Variants in ZC3H7B observed in about 807,000 individuals in gnomAD.
ZC3H7B encodes zinc finger CCCH domain-containing protein 7B.
Under a neutral mutation model 116.0 loss-of-function variants are expected in ZC3H7B, and 35 were observed. The observed-to-expected ratio is 0.30, with a 90% CI of 0.23 to 0.40. ZC3H7B has a LOEUF of 0.40. Ranked by LOEUF, ZC3H7B falls within the 10% of genes least tolerant of loss-of-function variation. The pLI, the probability that ZC3H7B is intolerant of heterozygous loss-of-function variation, is 1.00. For synonymous variants in ZC3H7B, 502 were observed against 545.6 expected (o/e 0.92, Z 1.11); for missense variants, 1,011 against 1,321.5 (o/e 0.77, Z 3.64).
At position 41,356,368 on chromosome 22, in the gene ZC3H7B, CAT is replaced by C; in HGVS notation, c.2410_2411del (p.Met804ValfsTer72). On this transcript the variant is annotated frameshift_variant, in exon 21 of 23. Transcript: ENST00000352645. LOFTEE classifies it high-confidence loss of function. The stretch of plus-strand genomic sequence containing the variant: ...TCCTGGACATGCAGCAGACCTATGA[CAT>C]GTGGCTGAAAAAACACAACCCAGGA... Reference protein sequence around the residue: ...KILDMQQTYDMWLKKHNPGKP... With the variant: ...KILDMQQTYDXWLKKHNPGKP... 1 of 1,614,150 alleles carries C rather than the reference CAT, an allele frequency of 6.2e-7. No homozygotes were observed. Among genetic ancestry groups the C allele is most frequent in the Non-Finnish European group, 8.5e-7 (1 of 1,180,036 alleles).
intron 9 of ZC3H7B, 78 bp from the exon 10 acceptor site, chr22:41,339,738 C>A: frequency 7.1e-7 from 1 of 1,408,520 alleles, no homozygotes; most frequent in Non-Finnish European, 9.6e-7. Flanking sequence ...GGTCTCCTTG[C>A]TTCCCCAAGT....
In ZC3H7B at chr22:41,302,737, ATCATATAAAAACAGC is replaced by A; in HGVS notation, c.-7+969_-7+983del. The stretch of plus-strand genomic sequence containing the variant: ...AGCCGTCTTCCCAGGGGGGAAAATA[ATCATATAAAAACAGC>A]TCACTCTGATAGAACCTGATGGCTG... On this transcript the variant is annotated intron_variant, in intron 1 of 22. Coordinates refer to ENST00000352645, the MANE Select transcript of ZC3H7B (RefSeq NM_017590.6). The surrounding 1 kb of genome is among the most constrained non-coding windows in gnomAD (Gnocchi z 5.7). Among the ~76,000 whole-genome samples, 1 of 152,208 alleles carries A rather than the reference ATCATATAAAAACAGC, an allele frequency of 6.6e-6. No individual in the cohort carries two copies. Among genetic ancestry groups the A allele is most frequent in the Non-Finnish European group, 1.5e-5 (1 of 68,024 alleles).
chr22:41,332,066 A>C, intron 6 of ZC3H7B, 105 bp from the exon 7 acceptor site: 1 of 1,240,660 alleles, frequency 8.1e-7, no homozygotes, highest in Non-Finnish European at 1.2e-6. Flanking sequence ...GGCGCTGCAG[A>C]CCCCAGCTGC....
intron 7 of ZC3H7B, among the ~76,000 whole-genome samples, chr22:41,337,363 C>T (rs117636235): frequency 2.6e-4 from 40 of 152,010 alleles, no homozygotes; most frequent in Non-Finnish European, 5.3e-4. Flanking sequence ...CAAAGCACTT[C>T]CTGTGTGCCA....
intron 7 of ZC3H7B, among the ~76,000 whole-genome samples, chr22:41,337,326 T>A (rs1227099019): frequency 6.7e-6 from 1 of 149,244 alleles, no homozygotes; most frequent in Non-Finnish European, 1.5e-5. Flanking sequence ...AGACTCTGTC[T>A]CAAAAAAAAA....
rs117047903 is a variant in ZC3H7B, at chr22:41,346,433, A to T, written c.1665+225A>T. Among the ~76,000 whole-genome samples, 2,096 of 152,304 alleles carry T rather than the reference A, an allele frequency of 0.014. 21 individuals are homozygous for T. Among genetic ancestry groups the T allele is most frequent in the Non-Finnish European group, 0.019 (1,323 of 68,014 alleles). ...GCCCCCTCATTTTGCAGAGGCAGAA[A>T]CTGAGGCTGGAAAGAAAAATCATAA... On this transcript the variant is annotated intron_variant, in intron 14 of 22. Coordinates refer to ENST00000352645, the MANE Select transcript of ZC3H7B (RefSeq NM_017590.6). This position sits in a 1 kb window ranked among gnomAD's most constrained non-coding sequence, Gnocchi z 5.3.
chr22:41,332,573 G>A (rs1451652941), intron 7 of ZC3H7B: 2 of 261,138 alleles, frequency 7.7e-6, no homozygotes, highest in South Asian at 7.2e-5. Flanking sequence ...AGGCCCCTGG[G>A]CCTCAAATGT....
intron 1 of ZC3H7B, among the ~76,000 whole-genome samples, chr22:41,311,300 T>C (rs1346874737): frequency 1.3e-5 from 2 of 151,676 alleles, no homozygotes; most frequent in Non-Finnish European, 2.9e-5. Flanking sequence ...TGGGGAAATA[T>C]TTATGAGGTA....
At position 41,357,639 on chromosome 22, in the gene ZC3H7B, G is replaced by A; in HGVS notation, c.*210G>A. The A allele has an allele frequency of 1.4e-6, 1 of 708,096 alleles. No individual in the cohort carries two copies. Among genetic ancestry groups the A allele is most frequent in the South Asian group, 2.0e-5 (1 of 50,784 alleles). 43.9% of individuals were successfully genotyped at this position (708,096 alleles called of 1,614,324 possible). A position where few individuals can be genotyped will look rare whatever the true frequency, so the allele number is the denominator to read the frequency against. ...TGCTGCAGCCCCCGGAGGCCCCGCTGAAACCTGGGCTGCCCTTCCCCCACC... is the reference window on the plus strand; with the variant it reads ...TGCTGCAGCCCCCGGAGGCCCCGCTAAAACCTGGGCTGCCCTTCCCCCACC... On this transcript the variant is annotated 3_prime_UTR_variant, in exon 23 of 23. Coordinates refer to ENST00000352645, the MANE Select transcript of ZC3H7B (RefSeq NM_017590.6). The surrounding 1 kb of genome is among the most constrained non-coding windows in gnomAD (Gnocchi z 5.4).
chr22:41,321,505 G>A (rs896729396), intron 2 of ZC3H7B, among the ~76,000 whole-genome samples: 10 of 151,708 alleles, frequency 6.6e-5, no homozygotes, highest in African/African-American at 1.9e-4. Flanking sequence ...GTGAGCCACC[G>A]CACTAGGCCA....
chr22:41,354,336 G>A (rs1569244320), intron 17 of ZC3H7B, among the ~76,000 whole-genome samples: 1 of 152,176 alleles, frequency 6.6e-6, no homozygotes, highest in Non-Finnish European at 1.5e-5. Context: ...CACGCGTAAA[G>A]GCATGACCTC....
chr22:41,338,666 G>A lies in ZC3H7B; in HGVS notation c.625+311G>A, dbSNP rs955368165. On this transcript the variant is annotated intron_variant, in intron 8 of 22. Transcript: ENST00000352645. The surrounding 1 kb of genome is among the most constrained non-coding windows in gnomAD (Gnocchi z 4.5). ...GCCCTTTCCCCTCCTCTTCCTCATT[G>A]GCTTCCAGAAAAGGTTGCCTTTTAA... Among the ~76,000 whole-genome samples, 13 of 152,148 alleles carry A rather than the reference G, an allele frequency of 8.5e-5. No homozygotes were observed. Among genetic ancestry groups the A allele is most frequent in the African/African-American group, 2.9e-4 (12 of 41,410 alleles).
intron 15 of ZC3H7B, among the ~76,000 whole-genome samples, chr22:41,348,919 G>A (rs149770304): frequency 6.6e-6 from 1 of 152,184 alleles, no homozygotes; most frequent in Non-Finnish European, 1.5e-5. Context: ...CAGGAGTAAA[G>A]CAGCGCTGGG....
chr22:41,310,126 A>G (rs1285317911), intron 1 of ZC3H7B, among the ~76,000 whole-genome samples: 1 of 151,998 alleles, frequency 6.6e-6, no homozygotes, highest in Non-Finnish European at 1.5e-5. Flanking sequence ...AATGGTGTGA[A>G]CCCGGGAGGC....
rs377499989 is a variant in ZC3H7B at position 41,355,428 on chromosome 22, T to C, written c.2035-41T>C. ...GGAGACTCCAGGGCCTCAGGCCTGG[T>C]GCCTGCAGCTTCACCAACCCCCCTC... On this transcript the variant is annotated intron_variant, in intron 17 of 22. Transcript: ENST00000352645. 1.5e-4 allele frequency: 236 copies of C among 1,610,178 alleles called. No individual in the cohort carries two copies. The African/African-American group carries it at 2.9e-3, about 20-fold the overall frequency.
At chr22:41,355,414 G>T in intron 17 of ZC3H7B, 55 bp from the exon 18 acceptor site, 1 of 1,603,518 alleles carries the variant, frequency 6.2e-7, no homozygotes, top group Middle Eastern at 1.7e-4. Flanking sequence ...GAGACTCCAG[G>T]GCCTCAGGCC....
At chr22:41,319,522 A>G (rs1398501250) in intron 1 of ZC3H7B, among the ~76,000 whole-genome samples, 1 of 150,312 alleles carries the variant, frequency 6.7e-6, no homozygotes, top group Non-Finnish European at 1.5e-5. Context: ...GTGGGCTGAG[A>G]TCACACCACT....
At position 41,346,966 on chromosome 22, in the gene ZC3H7B, CA is replaced by C. The variant is rs35397354; in HGVS notation, c.1665+777del. On this transcript the variant is annotated intron_variant, in intron 14 of 22. Coordinates refer to ENST00000352645, the MANE Select transcript of ZC3H7B (RefSeq NM_017590.6). This position sits in a 1 kb window ranked among gnomAD's most constrained non-coding sequence, Gnocchi z 5.3. The stretch of plus-strand genomic sequence containing the variant: ...TGGGTGACAGAGTGAGACCCTATTC[CA>C]AAAAAAAAAAAAAAAAAATGTCATT... Among the ~76,000 whole-genome samples, 22,930 of 116,658 alleles carry C rather than the reference CA, an allele frequency of 0.2. 2,021 individuals carry two copies. Among genetic ancestry groups the C allele is most frequent in the Middle Eastern group, 0.3 (73 of 242 alleles). 76.5% of individuals were successfully genotyped at this position (116,658 alleles called of 152,430 possible).
intron 14 of ZC3H7B, among the ~76,000 whole-genome samples, chr22:41,347,149 CT>C (rs2036596463): frequency 1.3e-5 from 2 of 152,182 alleles, no homozygotes; most frequent in African/African-American, 4.8e-5. Flanking sequence ...TCATGCCCAC[CT>C]CCCAGCACCA....
Sources: allele counts gnomAD v4.1 joint callset (sites outside exome capture counted in the v4.1 genomes callset), GRCh38; gene constraint gnomAD v4.1.1; non-coding constraint Gnocchi (gnomAD v3.1); transcripts MANE v1.5; gene names NCBI Gene and HGNC (gene_info 2026-07-23, HGNC 2026-07-21).